CSMD3: variants seen among roughly 807,000 people sequenced by gnomAD.
CSMD3 encodes CUB and sushi domain-containing protein 3.
CSMD3 carries 177 observed loss-of-function variants against 435.2 expected under a neutral mutation model. The observed-to-expected ratio is 0.41, with a 90% confidence interval of 0.36 to 0.46. The LOEUF (loss-of-function observed/expected upper bound fraction) is 0.46, where lower values mean the gene tolerates loss of function less well. Among genes scored for constraint, CSMD3 ranks in the 20% least tolerant of loss-of-function variants. CSMD3 has a pLI of 0.34. For synonymous variants in CSMD3, 1,656 were observed against 1,520.5 expected, an observed-to-expected ratio of 1.09 and a Z score of -2.07; for missense variants, 4,265 against 4,504.6, an observed-to-expected ratio of 0.95 and a Z score of 1.52.
intron 10 of CSMD3, among the ~76,000 whole-genome samples, chr8:112,904,540 G>A (rs904069974): frequency 2.0e-5 from 3 of 151,432 alleles, no homozygotes; most frequent in Admixed American, 1.3e-4. Flanking sequence ...GCTACTGGGA[G>A]GGAAGCTGAT....
At chr8:113,340,286 G>T in intron 1 of CSMD3, among the ~76,000 whole-genome samples, 1 of 151,994 alleles carries the variant, frequency 6.6e-6, no homozygotes, top group East Asian at 1.9e-4. Flanking sequence ...AAAAAATGAG[G>T]ACATTAGACC....
At chr8:113,299,272 G>C (rs1044370081) in intron 2 of CSMD3, among the ~76,000 whole-genome samples, 1 of 152,068 alleles carries the variant, frequency 6.6e-6, no homozygotes, top group Non-Finnish European at 1.5e-5. Context: ...TTGTAAATAA[G>C]ATAGTGTTAA....
intron 38 of CSMD3, among the ~76,000 whole-genome samples, chr8:112,364,208 T>G (rs901068850): frequency 6.6e-6 from 1 of 151,994 alleles, no homozygotes; most frequent in Non-Finnish European, 1.5e-5. Flanking sequence ...CATTTATTAT[T>G]TTGAGACTAA....
At chr8:113,165,202 A>G (rs193100612) in intron 4 of CSMD3, among the ~76,000 whole-genome samples, 1 of 152,292 alleles carries the variant, frequency 6.6e-6, no homozygotes, top group East Asian at 1.9e-4. Context: ...CTATATAATC[A>G]TATGAATGCT....
chr8:113,111,966 C>A (rs930361696), intron 4 of CSMD3, among the ~76,000 whole-genome samples: 2 of 152,142 alleles, frequency 1.3e-5, no homozygotes, highest in African/African-American at 2.4e-5. Flanking sequence ...CAGGCAGGAG[C>A]CACTGCGCCT....
intron 9 of CSMD3, among the ~76,000 whole-genome samples, chr8:112,928,053 G>T (rs2082970102): frequency 6.6e-6 from 1 of 151,988 alleles, no homozygotes; most frequent in Admixed American, 6.6e-5. Context: ...CCAATACTCA[G>T]CTTCAGATAA....
In CSMD3 at chr8:112,346,171, A is replaced by T; in HGVS notation, c.6368T>A (p.Leu2123His). The T allele has an allele frequency of 6.2e-7, 1 of 1,613,652 alleles. No individual in the cohort carries two copies. Among genetic ancestry groups the T allele is most frequent in the Non-Finnish European group, 8.5e-7 (1 of 1,179,564 alleles). ...GAMSDFSGVI[L>H]SPGFPGNYPS... ...ATAGTTTCCAGGAAACCCAGGACTG[A>T]GGATCACACCACTGAAGTCTGACAT... Residue 2123 changes from leucine to histidine, a missense_variant, in exon 41 of 71, where the codon CTC becomes CAC. Physicochemically the swap from Leu to His is moderately conservative, Grantham distance 99. This residue lies in a region of CSMD3 where 3,255 missense variants were observed against 3,380.2 expected (regional missense o/e 0.96). Coordinates refer to ENST00000297405, the MANE Select transcript of CSMD3 (RefSeq NM_198123.2).
chr8:112,765,887 T>C (rs2077966467), intron 13 of CSMD3, among the ~76,000 whole-genome samples: 1 of 151,742 alleles, frequency 6.6e-6, no homozygotes, highest in Non-Finnish European at 1.5e-5. Context: ...ATAATAATTT[T>C]GGATGGTAAT....
chr8:112,731,438 G>T (rs1252491020), intron 13 of CSMD3, among the ~76,000 whole-genome samples: 2 of 152,082 alleles, frequency 1.3e-5, no homozygotes, highest in Non-Finnish European at 2.9e-5. Flanking sequence ...CATCAGTATG[G>T]ATTTTCATGC....
intron 5 of CSMD3, among the ~76,000 whole-genome samples, chr8:113,077,871 G>T (rs1354205389): frequency 6.6e-6 from 1 of 152,110 alleles, no homozygotes; most frequent in Non-Finnish European, 1.5e-5. Flanking sequence ...GGTTTATACA[G>T]CATGTTTAAA....
At chr8:112,237,478 A>T in intron 66 of CSMD3, 130 bp from the exon 67 acceptor site, 1 of 711,436 alleles carries the variant, frequency 1.4e-6, no homozygotes, top group Non-Finnish European at 2.4e-6. Flanking sequence ...TGTGTTACAA[A>T]ATTAATTCTT....
chr8:113,267,592 G>C lies in CSMD3; in HGVS notation c.514+11000C>G, dbSNP rs145081022. 2.1e-3 allele frequency among the ~76,000 whole-genome samples: 318 copies of C among 151,686 alleles called. 1 individual carries two copies. Among genetic ancestry groups the C allele is most frequent in the African/African-American group, 7.2e-3 (299 of 41,482 alleles). On this transcript the variant is annotated intron_variant, in intron 3 of 70. Transcript: ENST00000297405. Reference sequence around the variant, plus strand: ...GAAGATAGAAAACAGAAACTTGGAAGGGTGAATGGGGAAGAAGGGGAGGGT... The same window carrying C: ...GAAGATAGAAAACAGAAACTTGGAACGGTGAATGGGGAAGAAGGGGAGGGT...
intron 12 of CSMD3, among the ~76,000 whole-genome samples, chr8:112,828,186 T>C (rs995050662): frequency 6.6e-6 from 1 of 152,208 alleles, no homozygotes; most frequent in African/African-American, 2.4e-5. Context: ...AGTATGGTAA[T>C]ATGCCTAACA....
At chr8:112,255,136 A>T in intron 62 of CSMD3, 118 bp downstream of exon 62, 1 of 807,882 alleles carries the variant, frequency 1.2e-6, no homozygotes, top group Non-Finnish European at 2.0e-6. Flanking sequence ...TTGCTTCTAT[A>T]TTTTACACTT....
At chr8:112,551,070 T>C (rs1827639924) in intron 26 of CSMD3, among the ~76,000 whole-genome samples, 197 bp from the exon 27 acceptor site, 1 of 152,104 alleles carries the variant, frequency 6.6e-6, no homozygotes, top group Non-Finnish European at 1.5e-5. Context: ...TATTATTAAA[T>C]ACAATATTAC....
At chr8:112,789,118 C>G (rs1029850067) in intron 13 of CSMD3, among the ~76,000 whole-genome samples, 1 of 151,918 alleles carries the variant, frequency 6.6e-6, no homozygotes, top group South Asian at 2.1e-4. Flanking sequence ...TCAAAAGATA[C>G]AAAAATGTGA....
intron 2 of CSMD3, among the ~76,000 whole-genome samples, chr8:113,304,891 G>C: frequency 8.0e-6 from 1 of 125,358 alleles, no homozygotes; most frequent in African/African-American, 3.1e-5. Context: ...ATGTGCACAT[G>C]TACCCTAAAA....
intron 22 of CSMD3, among the ~76,000 whole-genome samples, chr8:112,597,165 T>TA (rs1466833321): frequency 2.0e-5 from 3 of 150,130 alleles, no homozygotes; most frequent in Admixed American, 6.6e-5. Context: ...ATAGACACAA[T>TA]AAAAAATGAT....
At chr8:112,803,619 T>A (rs2079011358) in intron 12 of CSMD3, among the ~76,000 whole-genome samples, 1 of 152,076 alleles carries the variant, frequency 6.6e-6, no homozygotes. Context: ...AAAAAAATAG[T>A]CTTAGTCTAA....
Sources: gnomAD v4.1 joint callset for allele counts (sites outside exome capture counted in the v4.1 genomes callset) on GRCh38, gnomAD v4.1.1 for gene constraint, gnomAD v4.1.1 regional missense constraint, MANE v1.5 for transcripts, NCBI Gene and HGNC (gene_info 2026-07-23, HGNC 2026-07-21) for gene names.